Variants in PRELID2 observed in about 807,000 individuals in gnomAD.
The protein encoded by PRELID2 is PRELI domain containing 2, also known as PRELI domain-containing protein 2.
PRELID2 carries 25 observed loss-of-function variants against 28.4 expected under a neutral mutation model. That is an observed-to-expected ratio of 0.88 (90% CI 0.64 to 1.23). The LOEUF is 1.23. PRELID2 is among the 50% of genes most tolerant of loss of function. The pLI is 0.00. For synonymous variants in PRELID2, 76 were observed against 71.6 expected, an observed-to-expected ratio of 1.06 and a Z score of -0.31; for missense variants, 201 against 214.4, an observed-to-expected ratio of 0.94 and a Z score of 0.39.
chr5:145,661,919 T>C (rs781335907), intron 1 of PRELID2, among the ~76,000 whole-genome samples: 2 of 152,074 alleles, frequency 1.3e-5, no homozygotes, highest in Admixed American at 6.6e-5. Context: ...CAGAACAGTG[T>C]AAAGAATAAA....
chr5:145,631,330 G>A (rs1466752458), intron 1 of PRELID2, among the ~76,000 whole-genome samples: 2 of 152,152 alleles, frequency 1.3e-5, no homozygotes, highest in Admixed American at 1.3e-4. Flanking sequence ...GAAACAGTGT[G>A]GCTGTGTGCC....
At chr5:145,508,134 C>A (rs369043460) in intron 1 of PRELID2, among the ~76,000 whole-genome samples, 1 of 152,054 alleles carries the variant, frequency 6.6e-6, no homozygotes, top group Non-Finnish European at 1.5e-5. Context: ...AGCGATAGTG[C>A]GAATCTATAA....
At chr5:145,261,191 A>G in the PRELID2 span, among the ~76,000 whole-genome samples, 1 of 152,160 alleles carries the variant, frequency 6.6e-6, no homozygotes, top group African/African-American at 2.4e-5. Flanking sequence ...CTGAGCTCAG[A>G]CACACCTAAT....
chr5:145,256,781 G>C, the PRELID2 span, among the ~76,000 whole-genome samples: 1 of 151,964 alleles, frequency 6.6e-6, no homozygotes, highest in African/African-American at 2.4e-5. Flanking sequence ...AAAGAAGAAT[G>C]TCAGCATACT....
the PRELID2 span, among the ~76,000 whole-genome samples, chr5:145,336,855 C>T: frequency 3.3e-5 from 5 of 150,484 alleles, no homozygotes; most frequent in South Asian, 2.1e-4. Flanking sequence ...AGTAAACTAT[C>T]GCAAGAACAA....
chr5:145,708,172 C>T (rs2149707902), intron 1 of PRELID2, among the ~76,000 whole-genome samples: 1 of 152,186 alleles, frequency 6.6e-6, no homozygotes, highest in Non-Finnish European at 1.5e-5. Flanking sequence ...CAGCTTCCAT[C>T]CAACTGGAAC....
chr5:145,387,397 G>A, the PRELID2 span, among the ~76,000 whole-genome samples: 18 of 152,112 alleles, frequency 1.2e-4, no homozygotes, highest in Admixed American at 1.2e-3. Flanking sequence ...GCCAGAAGAA[G>A]TGAGGGTAAT....
At chr5:145,297,543 C>A in the PRELID2 span, among the ~76,000 whole-genome samples, 1 of 152,122 alleles carries the variant, frequency 6.6e-6, no homozygotes, top group Non-Finnish European at 1.5e-5. Context: ...GAAGCATTCC[C>A]TTTGAAAACA....
chr5:145,651,454 GCCT>G (rs760032155), intron 1 of PRELID2, among the ~76,000 whole-genome samples: 1 of 152,208 alleles, frequency 6.6e-6, no homozygotes, highest in Non-Finnish European at 1.5e-5. Flanking sequence ...CAGTCAGACT[GCCT>G]CCTCAAGTGG....
intron 1 of PRELID2, among the ~76,000 whole-genome samples, chr5:145,701,955 A>G (rs1351022927): frequency 2.6e-5 from 4 of 151,962 alleles, no homozygotes; most frequent in Non-Finnish European, 5.9e-5. Flanking sequence ...GGAGGCCAAG[A>G]CAGGAGAAAT....
chr5:145,778,701 G>T (rs142257892), intron 5 of PRELID2, among the ~76,000 whole-genome samples: 1 of 152,118 alleles, frequency 6.6e-6, no homozygotes, highest in Non-Finnish European at 1.5e-5. Context: ...TGTACTCCAC[G>T]CTTGCTCACA....
intron 1 of PRELID2, among the ~76,000 whole-genome samples, chr5:145,555,783 G>A (rs1479367969): frequency 1.3e-5 from 2 of 152,172 alleles, no homozygotes; most frequent in East Asian, 3.8e-4. Context: ...CTCACAGAGA[G>A]AAGCAGTCCT....
At chr5:145,409,692 A>G in the PRELID2 span, among the ~76,000 whole-genome samples, 1 of 151,562 alleles carries the variant, frequency 6.6e-6, no homozygotes, top group Non-Finnish European at 1.5e-5. Flanking sequence ...GGCGGGTGGA[A>G]CACGAGGTCA....
chr5:145,301,256 A>G, the PRELID2 span, among the ~76,000 whole-genome samples: 2 of 152,110 alleles, frequency 1.3e-5, no homozygotes, highest in South Asian at 4.1e-4. Context: ...TGTTGAGCAC[A>G]TTTTGATGTA....
chr5:145,462,350 G>C, the PRELID2 span, among the ~76,000 whole-genome samples: 2 of 152,132 alleles, frequency 1.3e-5, no homozygotes, highest in Non-Finnish European at 2.9e-5. Flanking sequence ...AGTATGCATG[G>C]GGAATTCTGA....
chr5:145,475,957 G>T (rs1392236436), intron 1 of PRELID2, among the ~76,000 whole-genome samples: 1 of 152,134 alleles, frequency 6.6e-6, no homozygotes, highest in African/African-American at 2.4e-5. Flanking sequence ...AAATGCTAAT[G>T]GTCTAAGTCT....
chr5:145,312,120 T>G, the PRELID2 span, among the ~76,000 whole-genome samples: 1 of 151,702 alleles, frequency 6.6e-6, no homozygotes, highest in Non-Finnish European at 1.5e-5. Context: ...CCAAGGTTGA[T>G]GGGTTCCTTG....
intron 1 of PRELID2, among the ~76,000 whole-genome samples, chr5:145,655,640 G>A (rs1293164433): frequency 6.6e-6 from 1 of 152,098 alleles, no homozygotes; most frequent in Non-Finnish European, 1.5e-5. Context: ...ACACAAACAA[G>A]AAATGGGGAA....
the PRELID2 span, among the ~76,000 whole-genome samples, chr5:145,407,167 T>C: frequency 0.016 from 2,383 of 152,074 alleles, 53 homozygotes; most frequent in African/African-American, 0.054. Context: ...GAAGGGTGAG[T>C]TCTGAAGAGC....
Sources: gnomAD v4.1 joint callset for allele counts (sites outside exome capture counted in the v4.1 genomes callset) on GRCh38, gnomAD v4.1.1 for gene constraint, MANE v1.5 for transcripts, NCBI Gene and HGNC (gene_info 2026-07-23, HGNC 2026-07-21) for gene names.